MYO1E: variants seen among roughly 807,000 people sequenced by gnomAD.
MYO1E encodes unconventional myosin-Ie.
MYO1E carries 68 observed loss-of-function variants against 151.1 expected under a neutral mutation model. That is an observed-to-expected ratio of 0.45 (90% CI 0.37 to 0.55). The LOEUF (loss-of-function observed/expected upper bound fraction) is 0.55, where lower values mean the gene tolerates loss of function less well. Among genes scored for constraint, MYO1E ranks in the 20% least tolerant of loss-of-function variants. The probability of loss-of-function intolerance (pLI) is 0.00; values close to 1 mark genes in which losing one functional copy is unlikely to be tolerated. For missense variants in MYO1E, 1,363 were observed against 1,389.3 expected, an observed-to-expected ratio of 0.98 and a Z score of 0.30; for synonymous variants, 601 against 501.7, an observed-to-expected ratio of 1.20 and a Z score of -2.64.
chr15:59,329,880 G>A (rs2080688024), intron 1 of MYO1E, among the ~76,000 whole-genome samples: 2 of 152,146 alleles, frequency 1.3e-5, no homozygotes, highest in Admixed American at 6.5e-5. Flanking sequence ...GACTGTAAAC[G>A]AATATTATTC....
intron 7 of MYO1E, 45 bp downstream of exon 7, chr15:59,227,414 A>G: frequency 6.2e-7 from 1 of 1,610,388 alleles, no homozygotes; most frequent in Non-Finnish European, 8.5e-7. Flanking sequence ...ATTTTAATGT[A>G]GAGAAGGGAC....
At chr15:59,207,129 C>G (rs1391272074) in intron 14 of MYO1E, 8 of 1,614,206 alleles carry the variant, frequency 5.0e-6, no homozygotes, top group African/African-American at 1.3e-5. Context: ...GTTTCACTTC[C>G]GAGAAGCCCG....
chr15:59,250,815 G>C (rs2080160111), intron 4 of MYO1E, among the ~76,000 whole-genome samples: 1 of 152,164 alleles, frequency 6.6e-6, no homozygotes, highest in African/African-American at 2.4e-5. Flanking sequence ...CACTGCAACA[G>C]AAATCCTTGG....
intron 14 of MYO1E, chr15:59,206,748 G>A: frequency 1.7e-6 from 1 of 600,290 alleles, no homozygotes; most frequent in Non-Finnish European, 2.9e-6. Flanking sequence ...CACTGCCTTA[G>A]TCTGAGCACC....
In MYO1E at chr15:59,135,193, C is replaced by G. The variant is rs2079365198; in HGVS notation, c.*2187G>C. ...ACGATGCAGGTGCTAAGGGCTTGGTCTGTGATTTCCATGGATGAGGGTGTT... is the reference window on the plus strand; with the variant it reads ...ACGATGCAGGTGCTAAGGGCTTGGTGTGTGATTTCCATGGATGAGGGTGTT... On this transcript the variant is annotated 3_prime_UTR_variant, in exon 28 of 28. Coordinates refer to ENST00000288235, the MANE Select transcript of MYO1E (RefSeq NM_004998.4). 1 of 152,182 alleles carries G rather than the reference C, an allele frequency of 6.6e-6. No homozygotes were observed. Among genetic ancestry groups the G allele is most frequent in the Non-Finnish European group, 1.5e-5 (1 of 68,056 alleles). 9.4% of individuals were successfully genotyped at this position (152,182 alleles called of 1,614,324 possible).
chr15:59,310,937 C>T (rs1308095408), intron 1 of MYO1E, among the ~76,000 whole-genome samples: 1 of 152,084 alleles, frequency 6.6e-6, no homozygotes, highest in Admixed American at 6.5e-5. Flanking sequence ...CCTTAGTGTG[C>T]CATGTAAGCC....
chr15:59,267,150 C>T (rs1369934275), intron 2 of MYO1E, among the ~76,000 whole-genome samples: 3 of 148,740 alleles, frequency 2.0e-5, no homozygotes, highest in South Asian at 4.3e-4. Context: ...CTCAGCCTCC[C>T]GAGTAGCCGG....
At chr15:59,354,145 A>G (rs1455413512) in intron 1 of MYO1E, among the ~76,000 whole-genome samples, 4 of 152,222 alleles carry the variant, frequency 2.6e-5, no homozygotes, top group African/African-American at 9.6e-5. Flanking sequence ...AATACAGTTG[A>G]AAAAAGTTCT....
intron 1 of MYO1E, among the ~76,000 whole-genome samples, chr15:59,318,129 C>A (rs1005308590): frequency 6.6e-6 from 1 of 152,114 alleles, no homozygotes; most frequent in Non-Finnish European, 1.5e-5. Context: ...CATGTGGTCA[C>A]CACATGTAGG....
At position 59,277,574 on chromosome 15, in the gene MYO1E, C is replaced by A. The variant is rs879900849; in HGVS notation, c.4-5125G>T. ...AAAAAAAAAAAAAAAAAAAAAAAAA[C>A]ATCAAAGCCTCATCCTCTTTGAGCC... On this transcript the variant is annotated intron_variant, in intron 1 of 27. Coordinates refer to ENST00000288235, the MANE Select transcript of MYO1E (RefSeq NM_004998.4). 2.7e-3 allele frequency among the ~76,000 whole-genome samples: 76 copies of A among 28,006 alleles called. 1 individual carries two copies. The highest frequency in any genetic ancestry group is 6.0e-3 in the Non-Finnish European group (50 of 8,384). 18.4% of individuals were successfully genotyped at this position (28,006 alleles called of 152,430 possible).
intron 22 of MYO1E, among the ~76,000 whole-genome samples, chr15:59,168,638 C>A (rs984849917): frequency 6.6e-6 from 1 of 152,038 alleles, no homozygotes; most frequent in Non-Finnish European, 1.5e-5. Context: ...CCTCACTCTC[C>A]CTGCTTCCAC....
intron 25 of MYO1E, among the ~76,000 whole-genome samples, chr15:59,156,946 G>T (rs958528795): frequency 3.9e-5 from 6 of 152,154 alleles, no homozygotes; most frequent in African/African-American, 1.4e-4. Flanking sequence ...TGAGAGGCCA[G>T]GTGCAGTGGC....
intron 4 of MYO1E, among the ~76,000 whole-genome samples, chr15:59,254,524 T>A (rs1483476854): frequency 6.6e-6 from 1 of 152,190 alleles, no homozygotes; most frequent in Admixed American, 6.5e-5. Flanking sequence ...CCAGATTTGC[T>A]TTAAGTAATC....
At chr15:59,243,061 A>G (rs1427800271) in intron 4 of MYO1E, among the ~76,000 whole-genome samples, 1 of 148,860 alleles carries the variant, frequency 6.7e-6, no homozygotes, top group Non-Finnish European at 1.5e-5. Context: ...TAAACAAGAC[A>G]GTGGAAATTC....
At chr15:59,192,228 G>T (rs971946382) in intron 17 of MYO1E, among the ~76,000 whole-genome samples, 1 of 151,070 alleles carries the variant, frequency 6.6e-6, no homozygotes, top group Admixed American at 6.6e-5. Context: ...CTAATACCTT[G>T]AACTTCTTAA....
chr15:59,357,904 A>C (rs903699309), intron 1 of MYO1E, among the ~76,000 whole-genome samples: 1 of 152,198 alleles, frequency 6.6e-6, no homozygotes, highest in Non-Finnish European at 1.5e-5. Context: ...GGAAACACCA[A>C]GTGGATGAAT....
intron 4 of MYO1E, among the ~76,000 whole-genome samples, chr15:59,243,602 T>A (rs1596382137): frequency 6.6e-6 from 1 of 152,100 alleles, no homozygotes; most frequent in Non-Finnish European, 1.5e-5. Context: ...TTTAAGACCC[T>A]CATATGGGTT....
chr15:59,149,702 A>G (rs1195179617), intron 26 of MYO1E, among the ~76,000 whole-genome samples: 2 of 152,232 alleles, frequency 1.3e-5, no homozygotes, highest in Non-Finnish European at 2.9e-5. Flanking sequence ...ATATTACATG[A>G]TCCAAAATAA....
chr15:59,158,760 C>T (rs1038853721), intron 24 of MYO1E, among the ~76,000 whole-genome samples: 2 of 152,320 alleles, frequency 1.3e-5, no homozygotes, highest in African/African-American at 2.4e-5. Context: ...TGCGGATCAA[C>T]GGGGTTGGCA....
Sources: gnomAD v4.1 joint callset for allele counts (sites outside exome capture counted in the v4.1 genomes callset) on GRCh38, gnomAD v4.1.1 for gene constraint, MANE v1.5 for transcripts, NCBI Gene and HGNC (gene_info 2026-07-23, HGNC 2026-07-21) for gene names.